Variants in PALD1 observed in about 807,000 individuals in gnomAD.
PALD1 encodes the protein paladin.
A neutral mutation model predicts 96.0 loss-of-function variants in PALD1; 57 were observed. The ratio of observed to expected loss-of-function variants is 0.59; its 90% CI spans 0.48 to 0.74. The LOEUF (loss-of-function observed/expected upper bound fraction) is 0.74. Among genes scored for constraint, PALD1 ranks in the 30% least tolerant of loss-of-function variants. The pLI, the probability that PALD1 is intolerant of heterozygous loss-of-function variation, is 0.00. For synonymous variants in PALD1, 464 were observed against 473.6 expected, an observed-to-expected ratio of 0.98 and a Z score of 0.26; for missense variants, 1,063 against 1,143.7, an observed-to-expected ratio of 0.93 and a Z score of 1.02.
In PALD1 at chr10:70,539,616, C is replaced by T. The variant is rs1375989830; in HGVS notation, c.1762C>T (p.Pro588Ser). The change falls in exon 15 of 20, where the codon CCT becomes TCT. Residue 588 changes from proline (P) to serine (S), a missense_variant. Coordinates refer to ENST00000263563, the MANE Select transcript of PALD1 (RefSeq NM_014431.3). This position sits in a 1 kb window ranked among gnomAD's most constrained non-coding sequence, Gnocchi z 4.5. ...CCAGCTGAAGGCCCATCTAAGCGAGCCTCCCCCAGGCAAGGAGGGCCCCCT... is the reference window on the plus strand; with the variant it reads ...CCAGCTGAAGGCCCATCTAAGCGAGTCTCCCCCAGGCAAGGAGGGCCCCCT... ...EAQLKAHLSE[P>S]PPGKEGPLTY... 6.2e-7 allele frequency: 1 copy of T among 1,612,722 alleles called. No individual in the cohort carries two copies. Among genetic ancestry groups the T allele is most frequent in the South Asian group, 1.1e-5 (1 of 90,994 alleles).
chr10:70,478,645 G>A (rs952273020), upstream of PALD1, among the ~76,000 whole-genome samples: 4 of 152,186 alleles, frequency 2.6e-5, no homozygotes, highest in African/African-American at 9.6e-5. Flanking sequence ...CCCGCCCGGG[G>A]GCTGCGGCTG....
chr10:70,538,781 C>A (rs1847167824), intron 12 of PALD1, 111 bp from the exon 13 acceptor site: 2 of 883,298 alleles, frequency 2.3e-6, no homozygotes, highest in African/African-American at 3.3e-5. Context: ...GCTTTGTAAA[C>A]TGTGAAGCTC....
In PALD1 at chr10:70,524,656, G is replaced by T. The variant is rs147101403; in HGVS notation, c.-29-1267G>T. On this transcript the variant is annotated intron_variant, in intron 1 of 19. Transcript: ENST00000263563. Reference sequence around the variant, plus strand: ...TCCTGATGCCCTTTCGTGAGTTAAGGTGGGGCTGTGGCCTGCACTTCCTAT... The same window carrying T: ...TCCTGATGCCCTTTCGTGAGTTAAGTTGGGGCTGTGGCCTGCACTTCCTAT... Among the ~76,000 whole-genome samples, 7 of 152,302 alleles carry T rather than the reference G, an allele frequency of 4.6e-5. No homozygotes were observed. The East Asian group carries it at 1.3e-3, about 29-fold the overall frequency.
chr10:70,499,008 C>T (rs1846245455), intron 1 of PALD1, among the ~76,000 whole-genome samples: 1 of 152,002 alleles, frequency 6.6e-6, no homozygotes, highest in African/African-American at 2.4e-5. Context: ...CAATAAATAG[C>T]ATTTGTTATG....
At chr10:70,517,482 C>T (rs1003564244) in intron 1 of PALD1, among the ~76,000 whole-genome samples, 1 of 152,038 alleles carries the variant, frequency 6.6e-6, no homozygotes, top group Non-Finnish European at 1.5e-5. Context: ...GCCGGGACTA[C>T]AGGCATGTGC....
Position 70,534,481 on chromosome 10 carries a change from G to A in PALD1, c.1079G>A (p.Ser360Asn). Reference sequence around the variant, plus strand: ...ATGGAGCAGTTCCAGGTGATCCAGAGCTTTCTCCGCATGGTGCCCCAGGGA... The same window carrying A: ...ATGGAGCAGTTCCAGGTGATCCAGAACTTTCTCCGCATGGTGCCCCAGGGA... ...LPMEQFQVIQ[S>N]FLRMVPQGRR... The change falls in exon 9 of 20, where the codon AGC becomes AAC. Residue 360 changes from serine (S) to asparagine (N), a missense_variant. Transcript: ENST00000263563. 6.2e-7 allele frequency: 1 copy of A among 1,613,260 alleles called. No individual in the cohort carries two copies. Among genetic ancestry groups the A allele is most frequent in the East Asian group, 2.2e-5 (1 of 44,860 alleles).
intron 1 of PALD1, among the ~76,000 whole-genome samples, chr10:70,499,170 G>A (rs949096055): frequency 3.6e-4 from 55 of 152,146 alleles, no homozygotes; most frequent in Admixed American, 1.8e-3. Context: ...AGTAAGTCAC[G>A]GGCAAGCTAG....
At chr10:70,550,882 G>T (rs1355593926) in intron 18 of PALD1, among the ~76,000 whole-genome samples, 1 of 152,144 alleles carries the variant, frequency 6.6e-6, no homozygotes, top group Non-Finnish European at 1.5e-5. Flanking sequence ...ATGGACATTT[G>T]GTTTGTTGTA....
At chr10:70,530,406 TAA>T (rs1285241675) in intron 4 of PALD1, among the ~76,000 whole-genome samples, 5 of 152,322 alleles carry the variant, frequency 3.3e-5, no homozygotes, top group African/African-American at 1.2e-4. Flanking sequence ...TGATCACAGC[TAA>T]CACTTAAGTC....
At chr10:70,477,996 G>A (rs539707331), upstream of PALD1, among the ~76,000 whole-genome samples, 15 of 152,180 alleles carry the variant, frequency 9.9e-5, no homozygotes, top group African/African-American at 3.4e-4. Flanking sequence ...GGAGTGGGCC[G>A]GGCTGGCTGC....
In PALD1 at chr10:70,529,247, G is replaced by A; in HGVS notation, c.204G>A (p.Glu68=). The change falls in exon 3 of 20, where the codon GAG becomes GAA. Residue 68 remains glutamate (E), a synonymous_variant. Coordinates refer to ENST00000263563, the MANE Select transcript of PALD1 (RefSeq NM_014431.3). ...PVVITYNCKE[E]FQIHDELLKA... is the part of the protein sequence containing the mutation. ...CCCCCAGGTACAACTGCAAGGAGGA[G>A]TTCCAGATCCATGATGAGCTGCTCA... The A allele has an allele frequency of 1.7e-6, 2 of 1,209,954 alleles. No homozygotes were observed. Among genetic ancestry groups the A allele is most frequent in the African/African-American group, 1.7e-5 (1 of 60,138 alleles). The allele number at this position is 1,209,954 out of a possible 1,614,324, so 75.0% of individuals were successfully genotyped here. A position where few individuals can be genotyped will look rare whatever the true frequency, so the allele number is the denominator to read the frequency against.
Position 70,526,098 on chromosome 10 carries a change from G to A in PALD1, c.147G>A (p.Lys49=), listed in dbSNP as rs878860427. The part of the protein sequence containing the change: ...QSTSLHNSKA[K]SIIPNKVAPV... The stretch of plus-strand genomic sequence containing the variant: ...CTAGCTTGCATAACAGCAAGGCCAA[G>A]TCCATCATCCCCAACAAGGTGGCCC... Residue 49 remains lysine (K), a synonymous_variant, in exon 2 of 20, where the codon AAG becomes AAA. Transcript: ENST00000263563. The A allele has an allele frequency of 9.3e-6, 15 of 1,614,238 alleles. No homozygotes were observed. Among genetic ancestry groups the A allele is most frequent in the Non-Finnish European group, 1.3e-5 (15 of 1,180,036 alleles).
At chr10:70,514,449 A>G (rs1432172617) in intron 1 of PALD1, among the ~76,000 whole-genome samples, 1 of 149,664 alleles carries the variant, frequency 6.7e-6, no homozygotes, top group Non-Finnish European at 1.5e-5. Context: ...CTGTGATCCC[A>G]GCCCCCAGAC....
intron 1 of PALD1, among the ~76,000 whole-genome samples, chr10:70,504,666 G>T (rs1453676632): frequency 7.9e-5 from 12 of 152,288 alleles, no homozygotes; most frequent in Admixed American, 7.8e-4. Flanking sequence ...GCGTGGCATT[G>T]CCTTTCAGAT....
At chr10:70,564,743 T>G (rs1847811046) in intron 19 of PALD1, among the ~76,000 whole-genome samples, 1 of 152,200 alleles carries the variant, frequency 6.6e-6, no homozygotes, top group African/African-American at 2.4e-5. Flanking sequence ...TTGATGAGTT[T>G]GATGAATGAA....
At position 70,532,660 on chromosome 10, in the gene PALD1, G is replaced by A; in HGVS notation, c.673G>A (p.Val225Met). 1 of 1,614,226 alleles carries A rather than the reference G, an allele frequency of 6.2e-7. No homozygotes were observed. Among genetic ancestry groups the A allele is most frequent in the Non-Finnish European group, 8.5e-7 (1 of 1,180,024 alleles). Residue 225 changes from valine to methionine, a missense_variant, in exon 6 of 20, where the codon GTG (valine) becomes ATG (methionine). Val to Met is a conservative substitution (Grantham distance 21). Transcript: ENST00000263563. Reference sequence around the variant, plus strand: ...CCAGCTGAGCGAGAACACATACCATGTGTACCATAACACCGAGGACCTGTG... The same window carrying A: ...CCAGCTGAGCGAGAACACATACCATATGTACCATAACACCGAGGACCTGTG... ...FAQLSENTYHVYHNTEDLWGE... is the reference protein window; with the variant it reads ...FAQLSENTYHMYHNTEDLWGE...
chr10:70,537,941 C>G, intron 11 of PALD1, 35 bp downstream of exon 11: 2 of 1,396,552 alleles, frequency 1.4e-6, no homozygotes, highest in Non-Finnish European at 2.0e-6. Flanking sequence ...ACGTCCCCTC[C>G]TCCTGGGCCT....
In PALD1 at chr10:70,566,991, G is replaced by T. The variant is rs1847869133; in HGVS notation, c.*258G>T. 1 of 491,120 alleles carries T rather than the reference G, an allele frequency of 2.0e-6. No homozygotes were observed. Among genetic ancestry groups the T allele is most frequent in the Non-Finnish European group, 3.6e-6 (1 of 277,506 alleles). The allele number at this position is 491,120 out of a possible 1,614,324, so 30.4% of individuals were successfully genotyped here. On this transcript the variant is annotated 3_prime_UTR_variant, in exon 20 of 20. Coordinates refer to ENST00000263563, the MANE Select transcript of PALD1 (RefSeq NM_014431.3). Reference sequence around the variant, plus strand: ...GAGCACTCACTGGAGTGCTCACAAGGTGCACACTGCTGTGTGTACCTTGCA... The same window carrying T: ...GAGCACTCACTGGAGTGCTCACAAGTTGCACACTGCTGTGTGTACCTTGCA...
chr10:70,464,076 G>T, the PALD1 span, among the ~76,000 whole-genome samples: 1 of 152,092 alleles, frequency 6.6e-6, no homozygotes, highest in African/African-American at 2.4e-5. Flanking sequence ...AGTTCCCTCG[G>T]GCCGCTCCCA....
Sources: allele counts gnomAD v4.1 joint callset (sites outside exome capture counted in the v4.1 genomes callset), GRCh38; gene constraint gnomAD v4.1.1; non-coding constraint Gnocchi (gnomAD v3.1); transcripts MANE v1.5; gene names NCBI Gene and HGNC (gene_info 2026-07-23, HGNC 2026-07-21).